The following FHL5 variants were observed in gnomAD, a reference collection of about 807,000 sequenced individuals.
FHL5 encodes four and a half LIM domains protein 5.
FHL5 carries 33 observed loss-of-function variants against 32.0 expected under a neutral mutation model. That is an observed-to-expected ratio of 1.03 (90% CI 0.78 to 1.38). The LOEUF (loss-of-function observed/expected upper bound fraction) is 1.38. FHL5 is among the 40% of genes most tolerant of loss of function. The pLI, the probability that FHL5 is intolerant of heterozygous loss-of-function variation, is 0.00. For missense variants in FHL5, 336 were observed against 343.9 expected (o/e 0.98, Z 0.18); for synonymous variants, 114 against 113.6 (o/e 1.00, Z -0.02).
chr6:96,609,151 A>G (rs1582480657), intron 4 of FHL5, among the ~76,000 whole-genome samples: 1 of 152,328 alleles, frequency 6.6e-6, no homozygotes. Flanking sequence ...TTTCTAAGAT[A>G]TTTGTTATAA....
At position 96,603,666 on chromosome 6, in the gene FHL5, A is replaced by C. The variant is rs765495558; in HGVS notation, c.53A>C (p.Lys18Thr). 2 of 1,612,906 alleles carry C rather than the reference A, an allele frequency of 1.2e-6. No homozygotes were observed. Among genetic ancestry groups the C allele is most frequent in the South Asian group, 1.1e-5 (1 of 90,966 alleles). Residue 18 changes from lysine to threonine, a missense_variant, in exon 2 of 6, where the codon AAG (lysine) becomes ACG (threonine). By Grantham distance (78) the Lys-to-Thr change is moderately conservative. Coordinates refer to ENST00000450218, the MANE Select transcript of FHL5 (RefSeq NM_001322466.2). ...CQYCTASLLG[K>T]KYVLKDDSPY... Reference sequence around the variant, plus strand: ...TACTGCACAGCATCACTTCTTGGGAAGAAATATGTACTAAAGGATGACAGT... The same window carrying C: ...TACTGCACAGCATCACTTCTTGGGACGAAATATGTACTAAAGGATGACAGT...
intron 1 of FHL5, among the ~76,000 whole-genome samples, chr6:96,591,695 TTTTA>T (rs1328801529): frequency 6.6e-6 from 1 of 152,134 alleles, no homozygotes; most frequent in African/African-American, 2.4e-5. Context: ...GAAAGTAATA[TTTTA>T]TTATCAGGGG....
chr6:96,573,088 CAA>C (rs762585078), intron 1 of FHL5, among the ~76,000 whole-genome samples: 2 of 152,058 alleles, frequency 1.3e-5, no homozygotes, highest in African/African-American at 2.4e-5. Flanking sequence ...TTGACAGTAC[CAA>C]AAAGTCATAC....
At chr6:96,594,619 T>C (rs1770997614) in intron 1 of FHL5, among the ~76,000 whole-genome samples, 1 of 152,018 alleles carries the variant, frequency 6.6e-6, no homozygotes, top group Admixed American at 6.6e-5. Flanking sequence ...TGGATCATCT[T>C]TGGAATATTT....
At chr6:96,572,426 C>T (rs1770498890) in intron 1 of FHL5, among the ~76,000 whole-genome samples, 1 of 151,700 alleles carries the variant, frequency 6.6e-6, no homozygotes, top group African/African-American at 2.4e-5. Context: ...CACTTGACCC[C>T]ACAGGAAAAA....
rs551529223 is a variant in FHL5, at chr6:96,571,164, C to G, written c.-13+7809C>G. 2.0e-5 allele frequency among the ~76,000 whole-genome samples: 3 copies of G among 152,096 alleles called. No homozygotes were observed. The East Asian group carries it at 5.8e-4, about 30-fold the overall frequency. On this transcript the variant is annotated intron_variant, in intron 1 of 5. Coordinates refer to ENST00000450218, the MANE Select transcript of FHL5 (RefSeq NM_001322466.2). Reference sequence around the variant, plus strand: ...GATTTTCATAAAGAAAGTCTTTCATCCTGCAGTTGAGTTTTACTGTGCAGT... The same window carrying G: ...GATTTTCATAAAGAAAGTCTTTCATGCTGCAGTTGAGTTTTACTGTGCAGT...
At position 96,618,160 on chromosome 6, in the gene FHL5, T is replaced by C. The variant is rs112568642; in HGVS notation, c.*2388T>C. Among the ~76,000 whole-genome samples, 318 of 152,178 alleles carry C rather than the reference T, an allele frequency of 2.1e-3. 1 individual carries two copies. Among genetic ancestry groups the C allele is most frequent in the African/African-American group, 4.8e-3 (200 of 41,526 alleles). On this transcript the variant is annotated 3_prime_UTR_variant, in exon 6 of 6. Transcript: ENST00000450218. The stretch of plus-strand genomic sequence containing the variant: ...TTTGCGTAACACACACAAAGATAAA[T>C]GTAAAAATTATATAGTTGATTTATA...
At position 96,615,848 on chromosome 6, in the gene FHL5, T is replaced by G. The variant is rs9398152; in HGVS notation, c.*76T>G. 137,986 of 1,273,838 alleles carry G rather than the reference T, an allele frequency of 0.11. 8,278 individuals are homozygous for G. Among genetic ancestry groups the G allele is most frequent in the East Asian group, 0.25 (9,951 of 39,692 alleles). The allele number at this position is 1,273,838 out of a possible 1,614,324, so 78.9% of individuals were successfully genotyped here. On this transcript the variant is annotated 3_prime_UTR_variant, in exon 6 of 6. Coordinates refer to ENST00000450218, the MANE Select transcript of FHL5 (RefSeq NM_001322466.2). ...GCCAGAACTCAGTTGCGGTCTTATT[T>G]TTGACTTAAGTTTTAGAAAATATTC...
intron 1 of FHL5, among the ~76,000 whole-genome samples, chr6:96,591,948 G>A (rs1339098154): frequency 6.6e-6 from 1 of 151,986 alleles, no homozygotes; most frequent in Non-Finnish European, 1.5e-5. Context: ...GTACGAATAG[G>A]GTGTGGGTCA....
intron 1 of FHL5, among the ~76,000 whole-genome samples, chr6:96,579,823 G>A (rs1770661534): frequency 1.3e-5 from 2 of 150,878 alleles, no homozygotes; most frequent in Admixed American, 6.6e-5. Flanking sequence ...AGAAGTGTCT[G>A]GGGTTGAGGT....
chr6:96,574,863 T>G (rs1427414899), intron 1 of FHL5, among the ~76,000 whole-genome samples: 1 of 152,146 alleles, frequency 6.6e-6, no homozygotes, highest in Non-Finnish European at 1.5e-5. Flanking sequence ...CCAAATGATC[T>G]GAAAAAGATT....
At chr6:96,594,179 C>A (rs1237665938) in intron 1 of FHL5, among the ~76,000 whole-genome samples, 1 of 139,918 alleles carries the variant, frequency 7.1e-6, no homozygotes, top group African/African-American at 2.7e-5. Context: ...TAAATGATTT[C>A]AGCAGAAAAA....
chr6:96,583,464 AT>A (rs1232195211), intron 1 of FHL5, among the ~76,000 whole-genome samples: 2 of 152,144 alleles, frequency 1.3e-5, no homozygotes, highest in African/African-American at 4.8e-5. Context: ...CATCATAGAT[AT>A]CAATGGACAA....
intron 1 of FHL5, among the ~76,000 whole-genome samples, chr6:96,564,790 G>GC (rs1247985621): frequency 6.6e-6 from 1 of 152,144 alleles, no homozygotes; most frequent in East Asian, 1.9e-4. Context: ...AAACCAGCTT[G>GC]CATTTCCTTG....
rs1159910748 is a variant in FHL5, at chr6:96,615,645, G to C, written c.728G>C (p.Ser243Thr). Residue 243 changes from serine (S) to threonine (T), a missense_variant, in exon 6 of 6, where the codon AGC becomes ACC. Coordinates refer to ENST00000450218, the MANE Select transcript of FHL5 (RefSeq NM_001322466.2). ...TGAKFICFQD[S>T]QWHSECFNCG... ...GCCAAGTTTATCTGCTTTCAAGACA[G>C]CCAGTGGCATAGCGAATGCTTTAAC... 2 of 1,612,806 alleles carry C rather than the reference G, an allele frequency of 1.2e-6. No homozygotes were observed. The highest frequency in any genetic ancestry group is 1.7e-6 in the Non-Finnish European group (2 of 1,179,374).
intron 1 of FHL5, among the ~76,000 whole-genome samples, chr6:96,602,422 G>GTATCTTTT (rs1771168361): frequency 3.8e-5 from 1 of 26,584 alleles, no homozygotes; most frequent in African/African-American, 1.1e-4. Flanking sequence ...TATATGCGTT[G>GTATCTTTT]TTTCTTTTTT....
chr6:96,597,180 T>C (rs1205680885), intron 1 of FHL5, among the ~76,000 whole-genome samples: 1 of 151,810 alleles, frequency 6.6e-6, no homozygotes, highest in Non-Finnish European at 1.5e-5. Flanking sequence ...TCTCTGCAAC[T>C]CTCTCTTTAT....
chr6:96,568,462 G>GT (rs993208198), intron 1 of FHL5, among the ~76,000 whole-genome samples: 12 of 151,882 alleles, frequency 7.9e-5, no homozygotes, highest in African/African-American at 2.9e-4. Context: ...TGGTATCAAG[G>GT]TAACACTGGC....
intron 1 of FHL5, among the ~76,000 whole-genome samples, chr6:96,564,169 A>G (rs1178973656): frequency 6.6e-6 from 1 of 152,198 alleles, no homozygotes; most frequent in Non-Finnish European, 1.5e-5. Flanking sequence ...CAAAATGCAT[A>G]GCTCTCATAC....
Sources: allele counts gnomAD v4.1 joint callset (sites outside exome capture counted in the v4.1 genomes callset), GRCh38; gene constraint gnomAD v4.1.1; transcripts MANE v1.5; gene names NCBI Gene and HGNC (gene_info 2026-07-23, HGNC 2026-07-21).